Variants in UTRN observed in about 807,000 individuals in gnomAD.
UTRN encodes dystrophin-related protein 1.
A neutral mutation model predicts 463.9 loss-of-function variants in UTRN; 283 were observed. The observed-to-expected ratio is 0.61, with a 90% CI of 0.55 to 0.67. The LOEUF is 0.67. Among genes scored for constraint, UTRN ranks in the 30% least tolerant of loss-of-function variants. The pLI, the probability that UTRN is intolerant of heterozygous loss-of-function variation, is 0.00. For synonymous variants in UTRN, 1,442 were observed against 1,431.5 expected, an observed-to-expected ratio of 1.01 and a Z score of -0.17; for missense variants, 3,922 against 4,084.3, an observed-to-expected ratio of 0.96 and a Z score of 1.08.
intron 34 of UTRN, among the ~76,000 whole-genome samples, chr6:144,502,662 T>G (rs1007951666): frequency 1.3e-5 from 2 of 152,354 alleles, no homozygotes; most frequent in African/African-American, 4.8e-5. Flanking sequence ...CTAACATTGA[T>G]GGGCATTTGG....
intron 54 of UTRN, among the ~76,000 whole-genome samples, chr6:144,741,266 C>T (rs1442899276): frequency 6.6e-6 from 1 of 152,130 alleles, no homozygotes; most frequent in African/African-American, 2.4e-5. Context: ...CTCTGTAGCT[C>T]GATCAATCAC....
At chr6:144,573,299 G>A (rs898632647) in intron 50 of UTRN, among the ~76,000 whole-genome samples, 2 of 151,904 alleles carry the variant, frequency 1.3e-5, no homozygotes, top group African/African-American at 4.8e-5. Context: ...AGCCTGTAAT[G>A]CCAGTACTTT....
rs370595268 is a variant in UTRN, at chr6:144,453,751, C to T, written c.2197-31C>T. The T allele has an allele frequency of 8.8e-6, 14 of 1,583,934 alleles. No homozygotes were observed. In the African/African-American group the frequency reaches 1.2e-4, roughly 14 times the overall value. On this transcript the variant is annotated intron_variant, in intron 18 of 74. Transcript: ENST00000367545. ...AACATTATATTGAGAAGAAAGTTTGCAATATTCTTATGTTGGGACTTCATT... is the reference window on the plus strand; with the variant it reads ...AACATTATATTGAGAAGAAAGTTTGTAATATTCTTATGTTGGGACTTCATT...
intron 66 of UTRN, among the ~76,000 whole-genome samples, chr6:144,825,415 C>T (rs1165694162): frequency 1.3e-5 from 2 of 152,126 alleles, no homozygotes; most frequent in African/African-American, 2.4e-5. Context: ...ATCATTTAAT[C>T]TTTTTTTCTA....
intron 65 of UTRN, among the ~76,000 whole-genome samples, chr6:144,819,555 T>C (rs530370373): frequency 1.7e-3 from 251 of 152,090 alleles, no homozygotes; most frequent in African/African-American, 6.0e-3. Context: ...TAGCTGGGTG[T>C]GGTGGTGCGC....
chr6:144,305,945 GCCT>G (rs982469152), intron 2 of UTRN, among the ~76,000 whole-genome samples: 2 of 152,112 alleles, frequency 1.3e-5, no homozygotes, highest in Non-Finnish European at 2.9e-5. Context: ...ATTTTCTTTT[GCCT>G]ATTATTGTCT....
intron 52 of UTRN, among the ~76,000 whole-genome samples, chr6:144,689,000 A>G (rs981181688): frequency 5.9e-5 from 9 of 152,004 alleles, no homozygotes; most frequent in Admixed American, 1.3e-4. Context: ...GGAGGAAGCT[A>G]CCTCAGCCCT....
chr6:144,816,148 G>T (rs1211261067), intron 65 of UTRN, among the ~76,000 whole-genome samples: 2 of 152,196 alleles, frequency 1.3e-5, no homozygotes, highest in South Asian at 4.1e-4. Context: ...TAGACATTCT[G>T]TAAAATCCAG....
In UTRN at chr6:144,360,032, TTTCCCTTCCCTTCCC is replaced by T. The variant is rs1340009283; in HGVS notation, c.80-43044_80-43030del. On this transcript the variant is annotated intron_variant, in intron 2 of 74. Transcript: ENST00000367545. Reference sequence around the variant, plus strand: ...CTTTTATTTCTCTTTTCTTTTCTTTTTTCCCTTCCCTTCCCTTCCCTTCCCTTCCCTTCCCTTCCC... The same window carrying T: ...CTTTTATTTCTCTTTTCTTTTCTTTTTTCCCTTCCCTTCCCTTCCCTTCCC... Among the ~76,000 whole-genome samples the T allele has an allele frequency of 1.4e-3, 107 of 78,794 alleles. 2 individuals carry two copies. In the East Asian group the frequency reaches 0.014, roughly 11 times the overall value. 51.7% of individuals were successfully genotyped at this position (78,794 alleles called of 152,430 possible). A position where few individuals can be genotyped will look rare whatever the true frequency, so the allele number is the denominator to read the frequency against.
intron 51 of UTRN, among the ~76,000 whole-genome samples, chr6:144,584,503 C>G (rs1229842679): frequency 2.0e-5 from 3 of 152,056 alleles, no homozygotes; most frequent in Admixed American, 6.5e-5. Context: ...ATCAAAACAA[C>G]TGCCTCTAAG....
Position 144,803,020 on chromosome 6 carries a change from C to A in UTRN, c.9246-16C>A. On this transcript the variant is annotated splice_polypyrimidine_tract_variant and intron_variant, in intron 64 of 74. Transcript: ENST00000367545. Reference sequence around the variant, plus strand: ...ATAGTAATGCAAGCCAATAAATTTTCTTTTGTTTTCTCTAGGTATAGAAGC... The same window carrying A: ...ATAGTAATGCAAGCCAATAAATTTTATTTTGTTTTCTCTAGGTATAGAAGC... The A allele has an allele frequency of 6.6e-7, 1 of 1,518,116 alleles. No individual in the cohort carries two copies. The highest frequency in any genetic ancestry group is 8.8e-7 in the Non-Finnish European group (1 of 1,134,100). 94.0% of individuals were successfully genotyped at this position (1,518,116 alleles called of 1,614,324 possible).
At chr6:144,585,067 C>T (rs1802332043) in intron 51 of UTRN, among the ~76,000 whole-genome samples, 3 of 151,726 alleles carry the variant, frequency 2.0e-5, no homozygotes. Flanking sequence ...TTTCTAAAGT[C>T]GAAGGTATTA....
At chr6:144,407,645 C>A (rs959481974) in intron 3 of UTRN, among the ~76,000 whole-genome samples, 1 of 152,170 alleles carries the variant, frequency 6.6e-6, no homozygotes, top group Non-Finnish European at 1.5e-5. Context: ...AAAGCCAGAA[C>A]AATTCTTTTC....
intron 54 of UTRN, among the ~76,000 whole-genome samples, chr6:144,742,939 G>A (rs1790268019): frequency 6.6e-6 from 1 of 152,136 alleles, no homozygotes; most frequent in South Asian, 2.1e-4. Context: ...TATAAATAAG[G>A]TATTTGGAAT....
Position 144,828,866 on chromosome 6 carries a change from C to A in UTRN, c.9665+11C>A. On this transcript the variant is annotated intron_variant, in intron 69 of 74. Coordinates refer to ENST00000367545, the MANE Select transcript of UTRN (RefSeq NM_007124.3). ...CACCACAGGAAGTGTGTAAGTAAAT[C>A]ATGAAATTAGTGCTGCCTGGGAAGG... is the stretch of plus-strand genomic sequence containing the variant. 6.2e-7 allele frequency: 1 copy of A among 1,613,024 alleles called. No individual in the cohort carries two copies. The highest frequency in any genetic ancestry group is 1.1e-5 in the South Asian group (1 of 91,018).
Position 144,521,994 on chromosome 6 carries a change from A to G in UTRN, c.5556A>G (p.Gln1852=), listed in dbSNP as rs1189241723. 19 of 1,568,524 alleles carry G rather than the reference A, an allele frequency of 1.2e-5. No homozygotes were observed. The highest frequency in any genetic ancestry group is 1.6e-5 in the Non-Finnish European group (19 of 1,161,854). ...TGTTTTTGTAGGCAATCCCTATTCA[A>G]CAGAGGAAAATGGGTCAACTTGCTT... ...RYNKIKAIPI[Q]QRKMGQLASG... is the part of the protein sequence containing the mutation. The change falls in exon 40 of 75, where the codon CAA becomes CAG. Residue 1852 remains glutamine (Q), a synonymous_variant. Coordinates refer to ENST00000367545, the MANE Select transcript of UTRN (RefSeq NM_007124.3).
chr6:144,587,885 T>C (rs933047793), intron 51 of UTRN, among the ~76,000 whole-genome samples: 2 of 152,168 alleles, frequency 1.3e-5, no homozygotes, highest in Non-Finnish European at 2.9e-5. Flanking sequence ...AAGTTAGAAT[T>C]CCCACTTGAT....
rs73591299 is a variant in UTRN, at chr6:144,285,783, C to A, written c.-131C>A. On this transcript the variant is annotated 5_prime_UTR_variant, in exon 1 of 75. Transcript: ENST00000367545. ...AGCCCTTGGCCAGCTCGGGGTGCGG[C>A]GGTGGCGACCGGCAGGCGAGGAGGC... 4,600 of 152,420 alleles carry A rather than the reference C, an allele frequency of 0.03. 217 individuals are homozygous for A. Among genetic ancestry groups the A allele is most frequent in the African/African-American group, 0.1 (4,287 of 41,424 alleles). 9.4% of individuals were successfully genotyped at this position (152,420 alleles called of 1,614,324 possible).
chr6:144,643,065 A>G (rs1330138580), intron 51 of UTRN, among the ~76,000 whole-genome samples: 1 of 152,114 alleles, frequency 6.6e-6, no homozygotes, highest in East Asian at 1.9e-4. Context: ...CTATATAGCT[A>G]CTATTTTATA....
Sources: gnomAD v4.1 joint callset for allele counts (sites outside exome capture counted in the v4.1 genomes callset) on GRCh38, gnomAD v4.1.1 for gene constraint, MANE v1.5 for transcripts, NCBI Gene and HGNC (gene_info 2026-07-23, HGNC 2026-07-21) for gene names.